Variants in ZNF488 observed in about 807,000 individuals in gnomAD.
ZNF488 encodes zinc finger protein 488.
ZNF488 carries 1 observed loss-of-function variant against 1.2 expected under a neutral mutation model. The observed-to-expected ratio is 0.86, with a 90% CI of 0.30 to 4.07. The LOEUF is 4.07. Ranked by LOEUF, ZNF488 falls within the 30% of genes most tolerant of loss-of-function variation. ZNF488 has a pLI of 0.18. For missense variants in ZNF488, 450 were observed against 437.9 expected, an observed-to-expected ratio of 1.03 and a Z score of -0.25; for synonymous variants, 185 against 190.1, an observed-to-expected ratio of 0.97 and a Z score of 0.22.
rs1837306469 is a variant in ZNF488, at chr10:47,368,275, A to G, written c.555T>C (p.Ser185=). 3.1e-6 allele frequency: 5 copies of G among 1,614,214 alleles called. No individual in the cohort carries two copies. The highest frequency in any genetic ancestry group is 4.2e-6 in the Non-Finnish European group (5 of 1,180,038). The change falls in exon 2 of 2, where the codon TCT becomes TCC. Residue 185 remains serine, a synonymous_variant. Transcript: ENST00000585316. The part of the protein sequence containing the change: ...ELTSVFPAGE[S]ADALGELSGL... ...CAGACAGCTCCCCCAGGGCATCTGC[A>G]GATTCCCCTGCAGGGAAGACTGAGG... is the stretch of plus-strand genomic sequence containing the variant.
At chr10:47,368,980 C>G (rs1837358707) in intron 1 of ZNF488, 43 bp from the exon 2 acceptor site, 1 of 863,296 alleles carries the variant, frequency 1.2e-6, no homozygotes. Context: ...GGGCATTCAT[C>G]ACTCAGGCAC....
Position 47,368,326 on chromosome 10 carries a change from C to T in ZNF488, c.504G>A (p.Lys168=). 1 of 1,614,170 alleles carries T rather than the reference C, an allele frequency of 6.2e-7. No homozygotes were observed. The highest frequency in any genetic ancestry group is 8.5e-7 in the Non-Finnish European group (1 of 1,180,036). Reference sequence around the variant, plus strand: ...TTAGCTCAGGCCTCTCTGCTGGTCGCTTGGTTGGTTTGCTAAAGGCGCTTC... The same window carrying T: ...TTAGCTCAGGCCTCTCTGCTGGTCGTTTGGTTGGTTTGCTAAAGGCGCTTC... ...EQRSAFSKPT[K]RPAERPELTS... The change falls in exon 2 of 2, where the codon AAG becomes AAA. Residue 168 remains lysine, a synonymous_variant. Transcript: ENST00000585316.
Position 47,367,732 on chromosome 10 carries a change from T to C in ZNF488, c.*75A>G. ...TCTGCAAAGGACCATGACAGCCCCC[T>C]CAACGCAGGCCCAGGGAGCCCCCCT... On this transcript the variant is annotated 3_prime_UTR_variant, in exon 2 of 2. Coordinates refer to ENST00000585316, the MANE Select transcript of ZNF488 (RefSeq NM_153034.4). 1 of 1,508,556 alleles carries C rather than the reference T, an allele frequency of 6.6e-7. No individual in the cohort carries two copies. Among genetic ancestry groups the C allele is most frequent in the Non-Finnish European group, 8.9e-7 (1 of 1,120,456 alleles). 93.4% of individuals were successfully genotyped at this position (1,508,556 alleles called of 1,614,324 possible). A position where few individuals can be genotyped will look rare whatever the true frequency, so the allele number is the denominator to read the frequency against.
In ZNF488 at chr10:47,368,021, C is replaced by A. The variant is rs139262307; in HGVS notation, c.809G>T (p.Gly270Val). The A allele has an allele frequency of 2.2e-4, 363 of 1,613,954 alleles. 1 individual carries two copies. Among genetic ancestry groups the A allele is most frequent in the African/African-American group, 4.4e-4 (33 of 74,904 alleles). ...TGCACACCAGTTCTGGGTGGACAAG[C>A]CCAGGGAGGTGAGGGTGGGTGGCAG... The part of the protein sequence containing the change: ...ALLPPTLTSL[G>V]LSTQNWCAKC... Residue 270 changes from glycine (G) to valine (V), a missense_variant, in exon 2 of 2, where the codon GGC (glycine) becomes GTC (valine). Coordinates refer to ENST00000585316, the MANE Select transcript of ZNF488 (RefSeq NM_153034.4).
chr10:47,375,397 C>T lies in ZNF488; in HGVS notation c.-108-6460G>A, dbSNP rs114094487. 5.4e-3 allele frequency among the ~76,000 whole-genome samples: 819 copies of T among 152,230 alleles called. 6 individuals are homozygous for T. Among genetic ancestry groups the T allele is most frequent in the African/African-American group, 0.018 (729 of 41,536 alleles). ...CTCCTCATGCCACATCCAGGGATATCGTGAGTGGCCAGAAATCAGGGAATC... is the reference window on the plus strand; with the variant it reads ...CTCCTCATGCCACATCCAGGGATATTGTGAGTGGCCAGAAATCAGGGAATC... On this transcript the variant is annotated intron_variant, in intron 1 of 1. Transcript: ENST00000585316.
intron 1 of ZNF488, among the ~76,000 whole-genome samples, chr10:47,380,032 C>A (rs1322253129): frequency 6.6e-6 from 1 of 152,292 alleles, no homozygotes; most frequent in Non-Finnish European, 1.5e-5. Flanking sequence ...CAGACACCAG[C>A]TGCCCTAGAC....
chr10:47,367,705 G>A lies in ZNF488; in HGVS notation c.*102C>T. 1 of 1,334,818 alleles carries A rather than the reference G, an allele frequency of 7.5e-7. No homozygotes were observed. Among genetic ancestry groups the A allele is most frequent in the Non-Finnish European group, 1.0e-6 (1 of 972,310 alleles). The allele number at this position is 1,334,818 out of a possible 1,614,324, so 82.7% of individuals were successfully genotyped here. A position where few individuals can be genotyped will look rare whatever the true frequency, so the allele number is the denominator to read the frequency against. On this transcript the variant is annotated 3_prime_UTR_variant, in exon 2 of 2. Transcript: ENST00000585316. ...TTATCTATGAATGCCAAAAGCAGCA[G>A]CTCTGCAAAGGACCATGACAGCCCC...
intron 1 of ZNF488, among the ~76,000 whole-genome samples, chr10:47,370,694 C>T (rs1837433963): frequency 2.0e-5 from 3 of 152,198 alleles, no homozygotes. Flanking sequence ...AAGCAGGATG[C>T]ATACGCAAGA....
intron 1 of ZNF488, among the ~76,000 whole-genome samples, chr10:47,376,648 C>T (rs1313234498): frequency 2.0e-5 from 3 of 152,148 alleles, no homozygotes; most frequent in Non-Finnish European, 4.4e-5. Context: ...CTCCCCCAGC[C>T]CTAGCACAAA....
intron 1 of ZNF488, among the ~76,000 whole-genome samples, chr10:47,383,445 C>T (rs1467388880): frequency 4.6e-5 from 7 of 152,184 alleles, no homozygotes; most frequent in African/African-American, 1.7e-4. Context: ...GCATAGCCTG[C>T]CCAGAAGGCA....
At chr10:47,376,962 C>T (rs556868583) in intron 1 of ZNF488, among the ~76,000 whole-genome samples, 72 of 152,342 alleles carry the variant, frequency 4.7e-4, no homozygotes, top group African/African-American at 1.7e-3. Context: ...ACCAAAACAC[C>T]GTCAGGGCTG....
At chr10:47,370,088 G>A (rs1300048822) in intron 1 of ZNF488, among the ~76,000 whole-genome samples, 1 of 152,160 alleles carries the variant, frequency 6.6e-6, no homozygotes, top group Non-Finnish European at 1.5e-5. Flanking sequence ...AGGAGAATGT[G>A]AGCCCTCCAT....
Position 47,368,157 on chromosome 10 carries a change from G to A in ZNF488, c.673C>T (p.Gln225Ter), listed in dbSNP as rs1310640127. 3 of 1,614,028 alleles carry A rather than the reference G, an allele frequency of 1.9e-6. No homozygotes were observed. The highest frequency in any genetic ancestry group is 1.3e-5 in the African/African-American group (1 of 74,914). Reference sequence around the variant, plus strand: ...AAAGTGCTACAGAGTGGAGCATTCTGTGGCAATGCTTGCAAGTTCCACAAA... The same window carrying A: ...AAAGTGCTACAGAGTGGAGCATTCTATGGCAATGCTTGCAAGTTCCACAAA... ...GDLWNLQALP[Q>*]NAPLCSTFLG... Residue 225 changes from glutamine to a stop codon, truncating the protein, a stop_gained, in exon 2 of 2, where the codon CAG becomes TAG. Transcript: ENST00000585316. LOFTEE classifies it low-confidence loss of function (END_TRUNC).
rs1314453633 is a variant in ZNF488, at chr10:47,367,708, C to T, written c.*99G>A. 1 of 1,380,814 alleles carries T rather than the reference C, an allele frequency of 7.2e-7. No homozygotes were observed. The highest frequency in any genetic ancestry group is 9.9e-7 in the Non-Finnish European group (1 of 1,013,462). The allele number at this position is 1,380,814 out of a possible 1,614,324, so 85.5% of individuals were successfully genotyped here. A position where few individuals can be genotyped will look rare whatever the true frequency, so the allele number is the denominator to read the frequency against. On this transcript the variant is annotated 3_prime_UTR_variant, in exon 2 of 2. Transcript: ENST00000585316. ...TCTATGAATGCCAAAAGCAGCAGCT[C>T]TGCAAAGGACCATGACAGCCCCCTC...
intron 1 of ZNF488, among the ~76,000 whole-genome samples, chr10:47,382,485 C>A (rs1237168827): frequency 6.6e-6 from 1 of 152,064 alleles, no homozygotes; most frequent in Non-Finnish European, 1.5e-5. Context: ...AAAGTTGCCA[C>A]CTCTTGGATG....
At chr10:47,375,131 G>A (rs529689410) in intron 1 of ZNF488, among the ~76,000 whole-genome samples, 1 of 152,340 alleles carries the variant, frequency 6.6e-6, no homozygotes, top group East Asian at 1.9e-4. Context: ...AGCCAGTGGT[G>A]TGCTGGAGCC....
chr10:47,381,255 T>C (rs1235857726), intron 1 of ZNF488, among the ~76,000 whole-genome samples: 1 of 152,282 alleles, frequency 6.6e-6, no homozygotes, highest in Non-Finnish European at 1.5e-5. Context: ...CCCCAAGCAG[T>C]GCTTTGCTGC....
At chr10:47,374,512 C>A (rs1445498939) in intron 1 of ZNF488, among the ~76,000 whole-genome samples, 1 of 152,200 alleles carries the variant, frequency 6.6e-6, no homozygotes, top group African/African-American at 2.4e-5. Context: ...GCAATCAGGG[C>A]TTCCCACCTG....
rs782061773 is a variant in ZNF488 at position 47,365,888 on chromosome 10, C to T, written c.*1919G>A. The T allele has an allele frequency of 1.2e-5, 2 of 167,176 alleles. No individual in the cohort carries two copies. Among genetic ancestry groups the T allele is most frequent in the Non-Finnish European group, 2.9e-5 (2 of 68,182 alleles). The allele number at this position is 167,176 out of a possible 1,614,324, so 10.4% of individuals were successfully genotyped here. ...CAGAACACGGGAGCAGACAGTGGAA[C>T]AGCAGCGAGGTGGTATAGCGGGGTC... is the stretch of plus-strand genomic sequence containing the variant. On this transcript the variant is annotated 3_prime_UTR_variant, in exon 2 of 2. Transcript: ENST00000585316.
Sources: allele counts gnomAD v4.1 joint callset (sites outside exome capture counted in the v4.1 genomes callset), GRCh38; gene constraint gnomAD v4.1.1; transcripts MANE v1.5; gene names NCBI Gene and HGNC (gene_info 2026-07-23, HGNC 2026-07-21).